Variants in MAPKAP1 observed in about 807,000 individuals in gnomAD.
MAPKAP1 encodes target of rapamycin complex 2 subunit MAPKAP1.
In MAPKAP1, 20 loss-of-function variants were observed where a neutral mutation model predicts 65.7. That is an observed-to-expected ratio of 0.30 (90% CI 0.21 to 0.44). MAPKAP1 has a LOEUF of 0.44. MAPKAP1 is among the 20% of genes least tolerant of loss of function. The pLI is 1.00. For missense variants in MAPKAP1, 423 were observed against 648.0 expected (o/e 0.65, Z 3.77); for synonymous variants, 222 against 244.3 (o/e 0.91, Z 0.85).
chr9:125,497,081 A>G (rs1478059997), intron 8 of MAPKAP1, among the ~76,000 whole-genome samples: 2 of 152,168 alleles, frequency 1.3e-5, no homozygotes, highest in African/African-American at 4.8e-5. Flanking sequence ...TAATCTGGGC[A>G]GCTCCTAGGA....
At chr9:125,440,002 TG>T (rs2132913448) in intron 11 of MAPKAP1, among the ~76,000 whole-genome samples, 1 of 152,258 alleles carries the variant, frequency 6.6e-6, no homozygotes. Context: ...AGACGCAGCA[TG>T]CATCAAGGCA....
chr9:125,458,591 A>G (rs13297140), intron 10 of MAPKAP1, among the ~76,000 whole-genome samples: 42,881 of 151,252 alleles, frequency 0.28, 6,898 homozygotes, highest in Non-Finnish European at 0.37. Context: ...TACAGAACAA[A>G]ATGAAAAGTC....
rs73668944 is a variant in MAPKAP1, at chr9:125,438,124, G to C, written c.*763C>G. On this transcript the variant is annotated 3_prime_UTR_variant, in exon 12 of 12. Transcript: ENST00000265960. ...AAGACCATGTCTGGCTGGGAGTGCA[G>C]CGTGCCTGAGGACCAGCCACCGCCC... The C allele has an allele frequency of 0.013, 5,002 of 379,298 alleles. 218 individuals are homozygous for C. Among genetic ancestry groups the C allele is most frequent in the African/African-American group, 0.094 (4,542 of 48,336 alleles). 23.5% of individuals were successfully genotyped at this position (379,298 alleles called of 1,614,324 possible).
intron 10 of MAPKAP1, among the ~76,000 whole-genome samples, chr9:125,451,615 G>A (rs142326084): frequency 6.6e-6 from 1 of 152,252 alleles, no homozygotes; most frequent in Non-Finnish European, 1.5e-5. Context: ...ATTGGCAGTT[G>A]TGGTGGCACA....
chr9:125,641,143 G>C (rs1833566153), intron 4 of MAPKAP1, among the ~76,000 whole-genome samples: 1 of 152,168 alleles, frequency 6.6e-6, no homozygotes, highest in African/African-American at 2.4e-5. Flanking sequence ...CTCATAGCAA[G>C]CATTTGGTCA....
At chr9:125,458,543 A>C (rs1161759942) in intron 10 of MAPKAP1, among the ~76,000 whole-genome samples, 1 of 152,050 alleles carries the variant, frequency 6.6e-6, no homozygotes, top group Non-Finnish European at 1.5e-5. Context: ...GCAAGGTCAC[A>C]GATCAACAGG....
intron 8 of MAPKAP1, among the ~76,000 whole-genome samples, chr9:125,494,767 A>G (rs1432756440): frequency 6.6e-6 from 1 of 152,074 alleles, no homozygotes; most frequent in Non-Finnish European, 1.5e-5. Context: ...CTTACTCATT[A>G]TTGGACTAAC....
chr9:125,578,814 A>G (rs1831529072), intron 5 of MAPKAP1, among the ~76,000 whole-genome samples: 1 of 152,234 alleles, frequency 6.6e-6, no homozygotes, highest in African/African-American at 2.4e-5. Context: ...TTAATCATCC[A>G]TAGACCAAAT....
rs1168905007 is a variant in MAPKAP1, at chr9:125,698,287, AAATATATATATATATATAT to A, written c.-70+8665_-70+8683del. 2.7e-3 allele frequency among the ~76,000 whole-genome samples: 74 copies of A among 27,112 alleles called. 1 individual carries two copies. Among genetic ancestry groups the A allele is most frequent in the African/African-American group, 1.0e-2 (65 of 6,528 alleles). The allele number at this position is 27,112 out of a possible 152,430, so 17.8% of individuals were successfully genotyped here. A position where few individuals can be genotyped will look rare whatever the true frequency, so the allele number is the denominator to read the frequency against. The stretch of plus-strand genomic sequence containing the variant: ...AATATATATAATACATAATATATAT[AAATATATATATATATATAT>A]ATATATATATATATATATATATATA... On this transcript the variant is annotated intron_variant, in intron 1 of 11. Transcript: ENST00000265960.
rs1041881611 is a variant in MAPKAP1, at chr9:125,505,158, G to A, written c.1066+1152C>T. Among the ~76,000 whole-genome samples the A allele has an allele frequency of 1.6e-4, 24 of 152,316 alleles. No individual in the cohort carries two copies. The South Asian group carries it at 1.7e-3, about 11-fold the overall frequency. ...AGACCAAGAGTTTGAACCGCCGGGC[G>A]CGGTGGCTCACGCCTGTAATCCCAG... is the stretch of plus-strand genomic sequence containing the variant. On this transcript the variant is annotated intron_variant, in intron 8 of 11. Transcript: ENST00000265960.
At chr9:125,609,182 T>C (rs1382926725) in intron 4 of MAPKAP1, among the ~76,000 whole-genome samples, 1 of 152,232 alleles carries the variant, frequency 6.6e-6, no homozygotes, top group Non-Finnish European at 1.5e-5. Context: ...TCCAGAATTC[T>C]GGGGATGCAA....
chr9:125,678,937 T>TAA (rs1488747064), intron 1 of MAPKAP1, among the ~76,000 whole-genome samples: 1 of 152,042 alleles, frequency 6.6e-6, no homozygotes, highest in Non-Finnish European at 1.5e-5. Context: ...CTTGGGATCT[T>TAA]ACTCCCTACA....
chr9:125,577,600 C>T (rs1339592554), intron 5 of MAPKAP1, among the ~76,000 whole-genome samples: 5 of 102,462 alleles, frequency 4.9e-5, no homozygotes, highest in South Asian at 4.1e-4. Flanking sequence ...CCGCCCCGTC[C>T]GGGAGGGAGG....
intron 8 of MAPKAP1, among the ~76,000 whole-genome samples, chr9:125,499,487 T>C (rs73591560): frequency 0.019 from 2,842 of 152,304 alleles, 90 homozygotes; most frequent in African/African-American, 0.063. Context: ...TAGGGCTTCA[T>C]TTATTAACAC....
At chr9:125,627,392 T>A (rs747867482) in intron 4 of MAPKAP1, among the ~76,000 whole-genome samples, 3 of 152,218 alleles carry the variant, frequency 2.0e-5, no homozygotes, top group East Asian at 1.9e-4. Flanking sequence ...AAATATTTTT[T>A]AAAAATACAT....
intron 1 of MAPKAP1, among the ~76,000 whole-genome samples, chr9:125,688,593 G>T (rs1835060924): frequency 6.6e-6 from 1 of 152,160 alleles, no homozygotes; most frequent in Non-Finnish European, 1.5e-5. Flanking sequence ...AGACATGGTG[G>T]CTCATGCCTG....
chr9:125,520,992 T>A (rs527602664), intron 7 of MAPKAP1, among the ~76,000 whole-genome samples: 10 of 152,234 alleles, frequency 6.6e-5, no homozygotes, highest in Non-Finnish European at 1.2e-4. Flanking sequence ...TAGCCACCTA[T>A]CCCAACACAT....
intron 1 of MAPKAP1, among the ~76,000 whole-genome samples, chr9:125,687,434 T>C (rs972575792): frequency 1.3e-5 from 2 of 152,188 alleles, no homozygotes; most frequent in African/African-American, 2.4e-5. Flanking sequence ...TACAGTGAAA[T>C]AGCCATAATA....
chr9:125,653,274 T>C (rs1233244821), intron 4 of MAPKAP1, among the ~76,000 whole-genome samples: 1 of 152,220 alleles, frequency 6.6e-6, no homozygotes, highest in East Asian at 1.9e-4. Context: ...AACCGAAATT[T>C]TACATGACAT....
Sources: allele counts gnomAD v4.1 joint callset (sites outside exome capture counted in the v4.1 genomes callset), GRCh38; gene constraint gnomAD v4.1.1; transcripts MANE v1.5; gene names NCBI Gene and HGNC (gene_info 2026-07-23, HGNC 2026-07-21).